MNAT1: variants seen among roughly 807,000 people sequenced by gnomAD.
MNAT1 encodes MNAT1 component of CDK activating kinase.
A neutral mutation model predicts 42.0 loss-of-function variants in MNAT1; 43 were observed. The ratio of observed to expected loss-of-function variants is 1.02; its 90% CI spans 0.80 to 1.32. The LOEUF is 1.32. MNAT1 is among the 40% of genes most tolerant of loss of function. The pLI, the probability that MNAT1 is intolerant of heterozygous loss-of-function variation, is 0.00. For missense variants in MNAT1, 306 were observed against 350.4 expected (o/e 0.87, Z 1.01); for synonymous variants, 118 against 120.0 (o/e 0.98, Z 0.11).
chr14:60,853,636 G>A (rs529974552), intron 6 of MNAT1, among the ~76,000 whole-genome samples: 84 of 152,284 alleles, frequency 5.5e-4, no homozygotes, highest in East Asian at 5.0e-3. Flanking sequence ...TTTTCAAAGG[G>A]AATGCTTCCA....
chr14:60,859,313 T>TA (rs1671355358), intron 6 of MNAT1, among the ~76,000 whole-genome samples: 1 of 152,194 alleles, frequency 6.6e-6, no homozygotes. Context: ...CAGTGGTTGG[T>TA]AGGATTGGAG....
intron 7 of MNAT1, among the ~76,000 whole-genome samples, chr14:60,943,003 AGTGTGTGT>A (rs138575597): frequency 0.2 from 15,836 of 78,326 alleles, 1,822 homozygotes; most frequent in East Asian, 0.39. Context: ...AACCACATGT[AGTGTGTGT>A]GTGTGTGTGT....
intron 3 of MNAT1, among the ~76,000 whole-genome samples, chr14:60,804,587 A>G (rs1244436729): frequency 6.6e-6 from 1 of 152,156 alleles, no homozygotes; most frequent in Non-Finnish European, 1.5e-5. Flanking sequence ...GTGCAGTGGT[A>G]CTATCATAGC....
At chr14:60,750,239 T>A (rs2030017525) in intron 1 of MNAT1, among the ~76,000 whole-genome samples, 1 of 151,876 alleles carries the variant, frequency 6.6e-6, no homozygotes, top group African/African-American at 2.4e-5. Flanking sequence ...TTCTTTTTTT[T>A]TTTTTGAGAC....
chr14:60,773,329 T>C (rs2031133237), intron 1 of MNAT1, among the ~76,000 whole-genome samples: 1 of 152,052 alleles, frequency 6.6e-6, no homozygotes, highest in Non-Finnish European at 1.5e-5. Context: ...GTGGAAGTAT[T>C]TTACTAAGGT....
intron 7 of MNAT1, among the ~76,000 whole-genome samples, chr14:60,942,003 C>CAAAAAAAA (rs3080602): frequency 2.0e-4 from 6 of 29,940 alleles, no homozygotes; most frequent in African/African-American, 5.6e-4. Context: ...GGCTCCATCT[C>CAAAAAAAA]AAAAAAAAAA....
chr14:60,955,617 C>T (rs2036474580), intron 7 of MNAT1, among the ~76,000 whole-genome samples: 2 of 152,146 alleles, frequency 1.3e-5, no homozygotes, highest in Non-Finnish European at 1.5e-5. Flanking sequence ...GCCAAGATCG[C>T]ACCATTGCAC....
rs1896421502 is a variant in MNAT1 at position 60,740,103 on chromosome 14, C to T, written c.89+5152C>T. Among the ~76,000 whole-genome samples the T allele has an allele frequency of 2.0e-5, 3 of 151,694 alleles. No individual in the cohort carries two copies. Among genetic ancestry groups the T allele is most frequent in the South Asian group, 2.1e-4 (1 of 4,788 alleles). On this transcript the variant is annotated intron_variant, in intron 1 of 7. Transcript: ENST00000261245. The surrounding 1 kb of genome is among the most constrained non-coding windows in gnomAD (Gnocchi z 4.1). ...CTGGGAGGCAGAGGTTGCAGTGAGC[C>T]GAGATCACACCACTGCACTCCAGCC...
intron 1 of MNAT1, among the ~76,000 whole-genome samples, chr14:60,786,078 T>C (rs1156370363): frequency 6.6e-6 from 1 of 151,742 alleles, no homozygotes; most frequent in African/African-American, 2.4e-5. Flanking sequence ...AGAAACAAAA[T>C]ATAATTAAGA....
intron 5 of MNAT1, 59 bp downstream of exon 5, chr14:60,812,186 G>T: frequency 1.4e-6 from 2 of 1,442,604 alleles, no homozygotes; most frequent in Non-Finnish European, 1.8e-6. Context: ...ACCTTTCCTA[G>T]TAGGCTGGAT....
At chr14:60,967,335 A>G (rs1672250875) in intron 7 of MNAT1, among the ~76,000 whole-genome samples, 1 of 152,208 alleles carries the variant, frequency 6.6e-6, no homozygotes, top group Non-Finnish European at 1.5e-5. Context: ...CTGGTACCTG[A>G]TTTATTCATT....
At chr14:60,917,500 C>G (rs2035547459) in intron 7 of MNAT1, among the ~76,000 whole-genome samples, 1 of 152,036 alleles carries the variant, frequency 6.6e-6, no homozygotes, top group Non-Finnish European at 1.5e-5. Flanking sequence ...TGGCAGTGCC[C>G]TTCGAATGCA....
chr14:60,902,028 T>C (rs1342707830), intron 7 of MNAT1, among the ~76,000 whole-genome samples: 2 of 152,204 alleles, frequency 1.3e-5, no homozygotes, highest in African/African-American at 4.8e-5. Context: ...GAGAAATCTT[T>C]TGTGAAAGGA....
intron 7 of MNAT1, among the ~76,000 whole-genome samples, chr14:60,966,121 A>C (rs138005190): frequency 8.2e-4 from 125 of 151,752 alleles, no homozygotes; most frequent in African/African-American, 3.0e-3. Flanking sequence ...GAGTTTAACA[A>C]CGACTATTTT....
At chr14:60,866,105 A>G (rs918148765) in intron 6 of MNAT1, among the ~76,000 whole-genome samples, 1 of 152,110 alleles carries the variant, frequency 6.6e-6, no homozygotes, top group African/African-American at 2.4e-5. Flanking sequence ...AAAGTAGCAA[A>G]AATGCCTCTC....
intron 7 of MNAT1, among the ~76,000 whole-genome samples, chr14:60,930,855 C>T (rs1344165520): frequency 1.3e-5 from 2 of 152,172 alleles, no homozygotes; most frequent in Admixed American, 6.5e-5. Flanking sequence ...GAGTAATACT[C>T]CTTTCCCCCT....
chr14:60,747,392 A>G (rs1307903327), intron 1 of MNAT1, among the ~76,000 whole-genome samples: 2 of 152,192 alleles, frequency 1.3e-5, no homozygotes, highest in Non-Finnish European at 2.9e-5. Context: ...GGTATAGTCT[A>G]TTATATACCT....
intron 1 of MNAT1, among the ~76,000 whole-genome samples, chr14:60,744,979 C>T (rs1182098809): frequency 6.6e-6 from 1 of 152,182 alleles, no homozygotes; most frequent in African/African-American, 2.4e-5. Flanking sequence ...TTGCCCTACA[C>T]ATGTGCAGCC....
chr14:60,828,467 A>C lies in MNAT1; in HGVS notation c.687+9620A>C, dbSNP rs535366933. ...ATCTATAGACTCCTATATAGTAGGAAAAAAACAACTCATTTTCCCCTGCTG... is the reference window on the plus strand; with the variant it reads ...ATCTATAGACTCCTATATAGTAGGACAAAAACAACTCATTTTCCCCTGCTG... On this transcript the variant is annotated intron_variant, in intron 6 of 7. Transcript: ENST00000261245. Among the ~76,000 whole-genome samples, 57 of 152,256 alleles carry C rather than the reference A, an allele frequency of 3.7e-4. No individual in the cohort carries two copies. In the South Asian group the frequency reaches 0.01, roughly 28 times the overall value.
Sources: gnomAD v4.1 joint callset for allele counts (sites outside exome capture counted in the v4.1 genomes callset) on GRCh38, gnomAD v4.1.1 for gene constraint, Gnocchi (gnomAD v3.1) non-coding constraint, MANE v1.5 for transcripts, NCBI Gene and HGNC (gene_info 2026-07-23, HGNC 2026-07-21) for gene names.